The following EYS variants were observed in gnomAD, a reference collection of about 807,000 sequenced individuals.
The protein encoded by EYS is protein eyes shut homolog.
A neutral mutation model predicts 282.1 loss-of-function variants in EYS; 250 were observed. The ratio of observed to expected loss-of-function variants is 0.89; its 90% CI spans 0.80 to 0.98. EYS has a LOEUF of 0.98. Ranked by LOEUF, EYS falls within the 50% of genes least tolerant of loss-of-function variation. EYS has a pLI of 0.00. For synonymous variants in EYS, 1,355 were observed against 1,282.9 expected, an observed-to-expected ratio of 1.06 and a Z score of -1.20; for missense variants, 4,016 against 3,709.0, an observed-to-expected ratio of 1.08 and a Z score of -2.15.
intron 14 of EYS, among the ~76,000 whole-genome samples, chr6:64,955,281 T>C (rs1769658749): frequency 6.7e-6 from 1 of 150,284 alleles, no homozygotes; most frequent in Non-Finnish European, 1.5e-5. Flanking sequence ...AAAGGAAAGA[T>C]CACAATAATG....
chr6:64,343,062 C>T (rs1030286932), intron 29 of EYS, among the ~76,000 whole-genome samples: 1 of 152,102 alleles, frequency 6.6e-6, no homozygotes, highest in Non-Finnish European at 1.5e-5. Flanking sequence ...AAAGCAAGTA[C>T]TTAGTTACCT....
intron 35 of EYS, among the ~76,000 whole-genome samples, chr6:63,966,257 C>T (rs184200722): frequency 5.3e-5 from 8 of 152,224 alleles, no homozygotes; most frequent in Non-Finnish European, 1.2e-4. Context: ...AGTGAAGTAG[C>T]TCAGGAATAG....
intron 36 of EYS, 141 bp from the exon 37 acceptor site, chr6:63,806,513 G>T: frequency 1.6e-6 from 1 of 643,280 alleles, no homozygotes. Context: ...TCAGCATTGA[G>T]CAACTAAGTG....
chr6:64,027,198 A>G (rs2149825372), intron 33 of EYS, among the ~76,000 whole-genome samples: 1 of 152,290 alleles, frequency 6.6e-6, no homozygotes, highest in East Asian at 1.9e-4. Flanking sequence ...GGAGTCATAA[A>G]CATCTGTTGA....
chr6:65,329,646 A>AAAAT (rs1404925802), intron 11 of EYS: 1 of 982,312 alleles, frequency 1.0e-6, no homozygotes, highest in East Asian at 1.1e-4. Context: ...TAGTATAGCC[A>AAAAT]AAATAAATAA....
intron 35 of EYS, 55 bp from the exon 36 acceptor site, chr6:63,864,413 C>T: frequency 7.5e-7 from 1 of 1,336,824 alleles, no homozygotes; most frequent in African/African-American, 1.5e-5. Context: ...ATTTTCTACA[C>T]ACATACACAT....
At chr6:64,140,244 A>G (rs1467445707) in intron 31 of EYS, among the ~76,000 whole-genome samples, 1 of 152,218 alleles carries the variant, frequency 6.6e-6, no homozygotes, top group African/African-American at 2.4e-5. Context: ...TCACAAAATT[A>G]TATTCTGCCA....
intron 42 of EYS, among the ~76,000 whole-genome samples, chr6:63,724,873 A>T (rs531196380): frequency 6.6e-6 from 1 of 152,104 alleles, no homozygotes; most frequent in East Asian, 1.9e-4. Context: ...AGTTTTTACT[A>T]ATAGGTCCTC....
chr6:64,041,258 G>A (rs1339018659), intron 33 of EYS, among the ~76,000 whole-genome samples: 2 of 152,000 alleles, frequency 1.3e-5, no homozygotes, highest in Non-Finnish European at 2.9e-5. Flanking sequence ...GGTGTGTATA[G>A]TGTGTATGAA....
At chr6:65,034,412 C>A (rs1294929614) in intron 13 of EYS, among the ~76,000 whole-genome samples, 1 of 152,102 alleles carries the variant, frequency 6.6e-6, no homozygotes, top group East Asian at 1.9e-4. Context: ...ACTTGAATTT[C>A]ATGTTGAATG....
At chr6:63,774,977 T>G (rs1770030062) in intron 40 of EYS, among the ~76,000 whole-genome samples, 1 of 152,098 alleles carries the variant, frequency 6.6e-6, no homozygotes, top group Non-Finnish European at 1.5e-5. Flanking sequence ...GTTTTTCACT[T>G]AAAAATTTTG....
intron 29 of EYS, among the ~76,000 whole-genome samples, chr6:64,324,021 A>G (rs561853530): frequency 6.6e-6 from 1 of 152,248 alleles, no homozygotes; most frequent in Admixed American, 6.5e-5. Flanking sequence ...AAGGGACAAT[A>G]ACAGCCTGAA....
At chr6:65,364,725 A>G (rs4320352) in intron 8 of EYS, among the ~76,000 whole-genome samples, 102,476 of 151,178 alleles carry the variant, frequency 0.68, 34,991 homozygotes, top group South Asian at 0.71. Context: ...CCCGGATGAC[A>G]CCATGGAGCT....
At chr6:65,371,089 C>T (rs1336276935) in intron 8 of EYS, among the ~76,000 whole-genome samples, 4 of 151,610 alleles carry the variant, frequency 2.6e-5, no homozygotes, top group African/African-American at 9.7e-5. Flanking sequence ...ATGAGTTCTG[C>T]ATCCATGGAT....
At chr6:64,616,815 T>C (rs1688853165) in intron 24 of EYS, among the ~76,000 whole-genome samples, 1 of 152,162 alleles carries the variant, frequency 6.6e-6, no homozygotes, top group Non-Finnish European at 1.5e-5. Context: ...TATTTATAAA[T>C]ATACATTTAA....
intron 1 of EYS, among the ~76,000 whole-genome samples, chr6:65,659,811 T>C (rs1025741928): frequency 6.6e-6 from 1 of 151,766 alleles, no homozygotes; most frequent in Non-Finnish European, 1.5e-5. Flanking sequence ...TCCATTACTA[T>C]ACAATGAAGA....
Position 64,713,728 on chromosome 6 carries a change from T to G in EYS, c.3444-87483A>C, listed in dbSNP as rs142681158. On this transcript the variant is annotated intron_variant, in intron 22 of 42. Transcript: ENST00000503581. ...AATGACAATTCTTGGAATTTCTCAG[T>G]GACTCTATGAGACCTATGTAACAGC... is the stretch of plus-strand genomic sequence containing the variant. Among the ~76,000 whole-genome samples the G allele has an allele frequency of 7.6e-4, 115 of 152,274 alleles. 1 individual carries two copies. Among genetic ancestry groups the G allele is most frequent in the African/African-American group, 2.6e-3 (110 of 41,566 alleles).
At chr6:64,432,509 A>C (rs1160328249) in intron 28 of EYS, among the ~76,000 whole-genome samples, 2 of 151,148 alleles carry the variant, frequency 1.3e-5, no homozygotes, top group South Asian at 2.1e-4. Context: ...CTCAATTATT[A>C]TGTTAATATA....
intron 22 of EYS, among the ~76,000 whole-genome samples, chr6:64,752,020 T>A (rs1772775709): frequency 2.0e-5 from 3 of 152,024 alleles, no homozygotes; most frequent in Admixed American, 2.0e-4. Context: ...AATAGACAGT[T>A]TCTCCAGATG....
Sources: gnomAD v4.1 joint callset for allele counts (sites outside exome capture counted in the v4.1 genomes callset) on GRCh38, gnomAD v4.1.1 for gene constraint, MANE v1.5 for transcripts, NCBI Gene and HGNC (gene_info 2026-07-23, HGNC 2026-07-21) for gene names.